EML1: variants seen among roughly 807,000 people sequenced by gnomAD.
EML1 encodes the protein EMAP like 1.
In EML1, 27 loss-of-function variants were observed where a neutral mutation model predicts 110.4. The ratio of observed to expected loss-of-function variants is 0.24; its 90% CI spans 0.18 to 0.34. The LOEUF is 0.34. Ranked by LOEUF, EML1 falls within the 10% of genes least tolerant of loss-of-function variation. The pLI is 1.00. For missense variants in EML1, 741 were observed against 1,030.9 expected (o/e 0.72, Z 3.85); for synonymous variants, 344 against 385.8 (o/e 0.89, Z 1.27).
At chr14:99,858,237 T>G (rs1190665235) in intron 2 of EML1, among the ~76,000 whole-genome samples, 1 of 149,884 alleles carries the variant, frequency 6.7e-6, no homozygotes, top group African/African-American at 2.5e-5. Context: ...CAGGCTGGAG[T>G]ACAATGGTGC....
intron 1 of EML1, among the ~76,000 whole-genome samples, chr14:99,800,551 A>T (rs2057856938): frequency 6.6e-6 from 1 of 151,978 alleles, no homozygotes; most frequent in Non-Finnish European, 1.5e-5. Flanking sequence ...TTTTTTAGAG[A>T]TGCAGTCTTT....
At chr14:99,845,197 T>C (rs2139814355) in intron 1 of EML1, among the ~76,000 whole-genome samples, 1 of 152,344 alleles carries the variant, frequency 6.6e-6, no homozygotes, top group Admixed American at 6.5e-5. Flanking sequence ...TTTTTACTTT[T>C]AACCATCCTA....
chr14:99,867,528 TC>T (rs2059123174), intron 3 of EML1, among the ~76,000 whole-genome samples: 2 of 152,166 alleles, frequency 1.3e-5, no homozygotes, highest in African/African-American at 4.8e-5. Context: ...AGTGTATGAG[TC>T]TTCTAACTCC....
At position 99,911,441 on chromosome 14, in the gene EML1, T is replaced by C. The variant is rs751553559; in HGVS notation, c.1359T>C (p.Tyr453=). The change falls in exon 13 of 22, where the codon TAT becomes TAC. Residue 453 remains tyrosine (Y), a synonymous_variant. Coordinates refer to ENST00000262233, the MANE Select transcript of EML1 (RefSeq NM_004434.3). The part of the protein sequence containing the change: ...VWGKGTNRIS[Y]AVQGAHEGGI... ...GTTTAGGTACAAATCGAATAAGCTA[T>C]GCAGTTCAGGGGGCCCATGAGGGTG... 2.0e-5 allele frequency: 32 copies of C among 1,606,168 alleles called. No individual in the cohort carries two copies. In the South Asian group the frequency reaches 3.6e-4, roughly 18 times the overall value.
chr14:99,862,197 T>G (rs1221796960), intron 2 of EML1, among the ~76,000 whole-genome samples: 1 of 152,254 alleles, frequency 6.6e-6, no homozygotes, highest in Non-Finnish European at 1.5e-5. Context: ...AGACTCAGCT[T>G]ATGGGCTTTA....
At chr14:99,759,312 A>C (rs1381759058) in intron 1 of EML1, among the ~76,000 whole-genome samples, 1 of 152,202 alleles carries the variant, frequency 6.6e-6, no homozygotes, top group Non-Finnish European at 1.5e-5. Flanking sequence ...GCAGTCAGGC[A>C]GGGGCTCAAG....
intron 1 of EML1, chr14:99,809,583 G>C (rs894020202): frequency 4.4e-6 from 2 of 455,504 alleles, no homozygotes; most frequent in Admixed American, 2.4e-5. Flanking sequence ...AGCCCTGGGT[G>C]TATGGCAGAT....
At chr14:99,850,413 G>A (rs2058776556) in intron 1 of EML1, 2 of 1,201,846 alleles carry the variant, frequency 1.7e-6, no homozygotes, top group Non-Finnish European at 2.2e-6. Context: ...TTGACCGATG[G>A]ATAGGGTGGC....
At chr14:99,933,497 C>T (rs1370428816) in intron 17 of EML1, among the ~76,000 whole-genome samples, 1 of 152,170 alleles carries the variant, frequency 6.6e-6, no homozygotes, top group Admixed American at 6.5e-5. Flanking sequence ...TTCCTTGAGA[C>T]CTTTTGCATA....
At chr14:99,834,059 T>C (rs1252879735) in intron 1 of EML1, among the ~76,000 whole-genome samples, 1 of 152,002 alleles carries the variant, frequency 6.6e-6, no homozygotes, top group Non-Finnish European at 1.5e-5. Flanking sequence ...ATAGACACCC[T>C]TCATCAGATT....
intron 1 of EML1, among the ~76,000 whole-genome samples, chr14:99,815,362 C>T (rs980805354): frequency 4.6e-5 from 7 of 152,012 alleles, no homozygotes; most frequent in East Asian, 3.9e-4. Context: ...AGGATGGTCT[C>T]GATCTCCTGA....
Position 99,936,740 on chromosome 14 carries a change from G to A in EML1, c.2095+406G>A, listed in dbSNP as rs998624101. 1.3e-5 allele frequency among the ~76,000 whole-genome samples: 2 copies of A among 152,166 alleles called. No homozygotes were observed. On this transcript the variant is annotated intron_variant, in intron 19 of 21. Coordinates refer to ENST00000262233, the MANE Select transcript of EML1 (RefSeq NM_004434.3). The surrounding 1 kb of genome is among the most constrained non-coding windows in gnomAD (Gnocchi z 5.5). The stretch of plus-strand genomic sequence containing the variant: ...AGGAGGGACCATGAAGTCCATCCCC[G>A]CTGGGTGGACGGCAGCCCTGGGACC...
intron 16 of EML1, among the ~76,000 whole-genome samples, chr14:99,920,257 A>G (rs1427899444): frequency 6.6e-6 from 1 of 152,050 alleles, no homozygotes; most frequent in Admixed American, 6.5e-5. Flanking sequence ...AATTTCTCCC[A>G]TTTGCTCTGT....
chr14:99,850,625 T>G (rs2058780018), intron 1 of EML1, among the ~76,000 whole-genome samples: 1 of 152,182 alleles, frequency 6.6e-6, no homozygotes, highest in Non-Finnish European at 1.5e-5. Flanking sequence ...CCACAGTTTA[T>G]AATGAAGAGT....
intron 1 of EML1, among the ~76,000 whole-genome samples, chr14:99,808,158 G>A (rs541647387): frequency 1.3e-5 from 2 of 152,286 alleles, no homozygotes; most frequent in African/African-American, 4.8e-5. Context: ...CTGCACCGTG[G>A]TCAGCTGTGA....
At chr14:99,741,066 A>G (rs1336975676) in intron 1 of EML1, among the ~76,000 whole-genome samples, 1 of 152,234 alleles carries the variant, frequency 6.6e-6, no homozygotes, top group East Asian at 1.9e-4. Context: ...CAATGAATGC[A>G]GGTCCATCAG....
chr14:99,854,042 A>G (rs891872779), intron 2 of EML1, among the ~76,000 whole-genome samples: 1 of 152,088 alleles, frequency 6.6e-6, no homozygotes. Flanking sequence ...GGTCTCACTC[A>G]GTATGTTGAG....
rs555084000 is a variant in EML1, at chr14:99,931,610, C to T, written c.1910-4419C>T. Reference sequence around the variant, plus strand: ...GAGTAAGTTTAGGAATCTCAGTCTCCGAGAGAGCTGGGGAATGAGGCTTAG... The same window carrying T: ...GAGTAAGTTTAGGAATCTCAGTCTCTGAGAGAGCTGGGGAATGAGGCTTAG... On this transcript the variant is annotated intron_variant, in intron 17 of 21. Coordinates refer to ENST00000262233, the MANE Select transcript of EML1 (RefSeq NM_004434.3). 6.9e-4 allele frequency among the ~76,000 whole-genome samples: 105 copies of T among 152,122 alleles called. No individual in the cohort carries two copies. In the South Asian group the frequency reaches 0.018, roughly 27 times the overall value.
chr14:99,874,267 T>A (rs1017468704), intron 3 of EML1, among the ~76,000 whole-genome samples: 4 of 152,236 alleles, frequency 2.6e-5, no homozygotes, highest in Non-Finnish European at 5.9e-5. Context: ...AAAGAACCAT[T>A]TATTTTCATA....
Sources: allele counts gnomAD v4.1 joint callset (sites outside exome capture counted in the v4.1 genomes callset), GRCh38; gene constraint gnomAD v4.1.1; non-coding constraint Gnocchi (gnomAD v3.1); transcripts MANE v1.5; gene names NCBI Gene and HGNC (gene_info 2026-07-23, HGNC 2026-07-21).